Variants in CARMIL1 observed in about 807,000 individuals in gnomAD.
CARMIL1 encodes F-actin-uncapping protein LRRC16A.
Under a neutral mutation model 177.1 loss-of-function variants are expected in CARMIL1, and 90 were observed. The ratio of observed to expected loss-of-function variants is 0.51; its 90% CI spans 0.43 to 0.61. The LOEUF (loss-of-function observed/expected upper bound fraction) is 0.61, where lower values mean the gene tolerates loss of function less well. Among genes scored for constraint, CARMIL1 ranks in the 20% least tolerant of loss-of-function variants. The probability of loss-of-function intolerance (pLI) is 0.00; values close to 1 mark genes in which losing one functional copy is unlikely to be tolerated. For missense variants in CARMIL1, 1,380 were observed against 1,667.0 expected (o/e 0.83, Z 3.00); for synonymous variants, 577 against 606.2 (o/e 0.95, Z 0.71).
intron 11 of CARMIL1, among the ~76,000 whole-genome samples, chr6:25,481,074 CT>C (rs910535859): frequency 3.3e-5 from 5 of 151,700 alleles, no homozygotes; most frequent in African/African-American, 1.2e-4. Flanking sequence ...GTCTTCCCCC[CT>C]TTCCCACATC....
intron 25 of CARMIL1, 69 bp from the exon 26 acceptor site, chr6:25,539,878 C>T: frequency 8.2e-7 from 1 of 1,221,460 alleles, no homozygotes; most frequent in Non-Finnish European, 1.1e-6. Flanking sequence ...CCTTCTCATT[C>T]ACTCTGCAAT....
At chr6:25,557,003 C>T (rs775279910) in intron 29 of CARMIL1, among the ~76,000 whole-genome samples, 153 bp downstream of exon 29, 1 of 151,610 alleles carries the variant, frequency 6.6e-6, no homozygotes, top group African/African-American at 2.4e-5. Flanking sequence ...CTAAAGAGGC[C>T]GCTAATGAAG....
chr6:25,364,585 C>G (rs1445248763), intron 2 of CARMIL1, among the ~76,000 whole-genome samples: 1 of 132,468 alleles, frequency 7.5e-6, no homozygotes, highest in African/African-American at 2.7e-5. Context: ...TTTTTTGAGA[C>G]AGAGTTTCTG....
At chr6:25,592,851 T>C (rs1318569702) in intron 31 of CARMIL1, among the ~76,000 whole-genome samples, 1 of 152,196 alleles carries the variant, frequency 6.6e-6, no homozygotes, top group Non-Finnish European at 1.5e-5. Flanking sequence ...TCCAACAGCA[T>C]GGGCAAGATG....
chr6:25,373,052 T>C (rs1393591858), intron 2 of CARMIL1, among the ~76,000 whole-genome samples: 2 of 152,232 alleles, frequency 1.3e-5, no homozygotes, highest in Non-Finnish European at 2.9e-5. Flanking sequence ...GTTTCACATT[T>C]ATTGACTTGC....
intron 11 of CARMIL1, among the ~76,000 whole-genome samples, chr6:25,482,042 A>G (rs1802166410): frequency 6.6e-6 from 1 of 152,238 alleles, no homozygotes; most frequent in Non-Finnish European, 1.5e-5. Flanking sequence ...CAGATATTGT[A>G]TGCCTAATAA....
chr6:25,555,989 A>T (rs1252568275), intron 28 of CARMIL1, among the ~76,000 whole-genome samples: 1 of 152,236 alleles, frequency 6.6e-6, no homozygotes, highest in Admixed American at 6.5e-5. Context: ...GATTATAAGG[A>T]AAGAGATTAA....
Position 25,515,756 on chromosome 6 carries a change from T to A in CARMIL1, c.1714T>A (p.Ser572Thr). 1 of 1,611,708 alleles carries A rather than the reference T, an allele frequency of 6.2e-7. No homozygotes were observed. The highest frequency in any genetic ancestry group is 8.5e-7 in the Non-Finnish European group (1 of 1,179,090). The change falls in exon 21 of 37, where the codon TCC (serine) becomes ACC (threonine). Residue 572 changes from serine (S) to threonine (T), a missense_variant. Physicochemically the swap from Ser to Thr is moderately conservative, Grantham distance 58. Transcript: ENST00000329474. This position sits in a 1 kb window ranked among gnomAD's most constrained non-coding sequence, Gnocchi z 5.0. The part of the protein sequence containing the change: ...IIINALGSNT[S>T]LTKVDISGNG... ...CATCAATGCCCTGGGAAGCAACACC[T>A]CCCTGACCAAAGTGGACATTAGCGG...
At chr6:25,366,077 G>T (rs1376663793) in intron 2 of CARMIL1, among the ~76,000 whole-genome samples, 1 of 151,786 alleles carries the variant, frequency 6.6e-6, no homozygotes, top group Non-Finnish European at 1.5e-5. Flanking sequence ...CAGCTCCCTG[G>T]AACCTCGAAC....
At chr6:25,441,191 G>C (rs1405771603) in intron 5 of CARMIL1, among the ~76,000 whole-genome samples, 1 of 151,842 alleles carries the variant, frequency 6.6e-6, no homozygotes, top group Non-Finnish European at 1.5e-5. Flanking sequence ...GTATATGCTT[G>C]TATTCCCAAC....
intron 13 of CARMIL1, among the ~76,000 whole-genome samples, chr6:25,490,079 C>T (rs1002965024): frequency 2.6e-5 from 4 of 152,098 alleles, no homozygotes; most frequent in African/African-American, 9.7e-5. Context: ...AACGATGAGA[C>T]CTGAGTGAGA....
chr6:25,303,853 A>G (rs540330517), intron 2 of CARMIL1, among the ~76,000 whole-genome samples: 23 of 152,380 alleles, frequency 1.5e-4, no homozygotes, highest in African/African-American at 5.5e-4. Flanking sequence ...TTTTAAAGGA[A>G]GAAGCTGGTG....
intron 2 of CARMIL1, among the ~76,000 whole-genome samples, chr6:25,408,308 A>AAG (rs1794587751): frequency 6.6e-6 from 1 of 151,852 alleles, no homozygotes; most frequent in Admixed American, 6.6e-5. Context: ...AAAAAAAAAA[A>AAG]AAAAAAGATT....
At chr6:25,369,450 G>A (rs919986496) in intron 2 of CARMIL1, among the ~76,000 whole-genome samples, 2 of 147,130 alleles carry the variant, frequency 1.4e-5, no homozygotes, top group African/African-American at 2.5e-5. Flanking sequence ...AGATGCTTAA[G>A]ACTCCCGTTT....
rs182320127 is a variant in CARMIL1, at chr6:25,509,640, G to A, written c.1396-16G>A. On this transcript the variant is annotated splice_polypyrimidine_tract_variant and intron_variant, in intron 17 of 36. Coordinates refer to ENST00000329474, the MANE Select transcript of CARMIL1 (RefSeq NM_017640.6). The surrounding 1 kb of genome is among the most constrained non-coding windows in gnomAD (Gnocchi z 4.1). ...GAGTGAAGACTTTACTTTGTGTTTG[G>A]TTTGTGTTTCTCTAGCTGAGATCAG... 2.0e-4 allele frequency: 309 copies of A among 1,574,734 alleles called. 1 individual carries two copies. The East Asian group carries it at 4.3e-3, about 22-fold the overall frequency.
chr6:25,474,101 T>G (rs2150947934), intron 11 of CARMIL1, among the ~76,000 whole-genome samples: 1 of 151,876 alleles, frequency 6.6e-6, no homozygotes, highest in African/African-American at 2.4e-5. Context: ...TTATATTTGA[T>G]GAGTATTAAT....
At chr6:25,538,913 G>A (rs1381564452) in intron 25 of CARMIL1, among the ~76,000 whole-genome samples, 1 of 152,084 alleles carries the variant, frequency 6.6e-6, no homozygotes, top group Non-Finnish European at 1.5e-5. Context: ...TCGTGTCTAT[G>A]TAATGGGTCC....
intron 11 of CARMIL1, among the ~76,000 whole-genome samples, chr6:25,477,800 T>C (rs1029536256): frequency 1.3e-5 from 2 of 152,072 alleles, no homozygotes; most frequent in African/African-American, 4.8e-5. Context: ...ATTACCTTAG[T>C]TTTTATGATT....
rs142386483 is a variant in CARMIL1 at position 25,549,743 on chromosome 6, T to C, written c.2329-1167T>C. 7.2e-5 allele frequency among the ~76,000 whole-genome samples: 11 copies of C among 152,338 alleles called. No homozygotes were observed. In the East Asian group the frequency reaches 2.1e-3, roughly 29 times the overall value. ...CACTGTACCAGTCTTTTGATAACAG[T>C]GCTTCATTGGTCCTAATTCACAGTG... On this transcript the variant is annotated intron_variant, in intron 26 of 36. Transcript: ENST00000329474.
Sources: allele counts gnomAD v4.1 joint callset (sites outside exome capture counted in the v4.1 genomes callset), GRCh38; gene constraint gnomAD v4.1.1; non-coding constraint Gnocchi (gnomAD v3.1); transcripts MANE v1.5; gene names NCBI Gene and HGNC (gene_info 2026-07-23, HGNC 2026-07-21).